BIN1: variants seen among roughly 807,000 people sequenced by gnomAD.
BIN1 encodes the protein bridging integrator 1.
Under a neutral mutation model 82.0 loss-of-function variants are expected in BIN1, and 53 were observed. That is an observed-to-expected ratio of 0.65 (90% CI 0.52 to 0.81). BIN1 has a LOEUF of 0.81. Among genes scored for constraint, BIN1 ranks in the 40% least tolerant of loss-of-function variants. The probability of loss-of-function intolerance (pLI) is 0.00; values close to 1 mark genes in which losing one functional copy is unlikely to be tolerated. For missense variants in BIN1, 642 were observed against 784.4 expected, an observed-to-expected ratio of 0.82 and a Z score of 2.17; for synonymous variants, 302 against 328.0, an observed-to-expected ratio of 0.92 and a Z score of 0.86.
At chr2:127,099,728 G>A (rs1231135165) in intron 1 of BIN1, among the ~76,000 whole-genome samples, 2 of 150,770 alleles carry the variant, frequency 1.3e-5, no homozygotes, top group Non-Finnish European at 2.9e-5. Context: ...TGGCCAGGAT[G>A]GTCTCGATCT....
intron 17 of BIN1, 71 bp from the exon 18 acceptor site, chr2:127,050,593 C>G (rs759738849): frequency 3.9e-6 from 6 of 1,553,422 alleles, no homozygotes; most frequent in Admixed American, 1.7e-5. Flanking sequence ...ACGGGCCTTG[C>G]GTGTGGGAGG....
At chr2:127,074,699 TTTTG>T (rs60320134) in intron 2 of BIN1, among the ~76,000 whole-genome samples, 2 of 151,718 alleles carry the variant, frequency 1.3e-5, no homozygotes, top group African/African-American at 2.4e-5. Context: ...TCAGCCTGTT[TTTTG>T]TTTGTTTGTT....
At chr2:127,053,524 T>C in intron 13 of BIN1, 79 bp from the exon 14 acceptor site, 1 of 1,562,672 alleles carries the variant, frequency 6.4e-7, no homozygotes, top group Non-Finnish European at 8.7e-7. Context: ...CCAGGGACCC[T>C]ACCCCCGCTC....
At position 127,068,860 on chromosome 2, in the gene BIN1, T is replaced by A; in HGVS notation, c.519+64A>T. ...CAGGAGGAAGCCTCCACCCTCGGGG[T>A]CCTAGACACCCGCCCTCTCTCAGCC... On this transcript the variant is annotated intron_variant, in intron 6 of 18. Coordinates refer to ENST00000316724, the MANE Select transcript of BIN1 (RefSeq NM_139343.3). The surrounding 1 kb of genome is among the most constrained non-coding windows in gnomAD (Gnocchi z 4.9). 1.4e-6 allele frequency: 2 copies of A among 1,475,106 alleles called. No homozygotes were observed. Among genetic ancestry groups the A allele is most frequent in the Non-Finnish European group, 1.9e-6 (2 of 1,056,390 alleles). 91.4% of individuals were successfully genotyped at this position (1,475,106 alleles called of 1,614,324 possible).
At chr2:127,054,137 C>A (rs1683336530) in intron 12 of BIN1, 125 bp from the exon 13 acceptor site, 5 of 692,184 alleles carry the variant, frequency 7.2e-6, no homozygotes, top group Non-Finnish European at 1.2e-5. Context: ...ACCACGCATG[C>A]AGAGCAAGCG....
chr2:127,072,208 A>G (rs1685977608), intron 2 of BIN1, among the ~76,000 whole-genome samples: 2 of 152,244 alleles, frequency 1.3e-5, no homozygotes, highest in Non-Finnish European at 2.9e-5. Context: ...GGTGAAGGCC[A>G]GCAGGGACCC....
chr2:127,088,328 G>C (rs1307490842), intron 1 of BIN1, among the ~76,000 whole-genome samples: 1 of 152,212 alleles, frequency 6.6e-6, no homozygotes, highest in Non-Finnish European at 1.5e-5. Context: ...ACGTGCCCTG[G>C]TGGCAGTGTG....
chr2:127,051,012 G>C, intron 16 of BIN1, 100 bp from the exon 17 acceptor site: 2 of 1,498,088 alleles, frequency 1.3e-6, no homozygotes, highest in Non-Finnish European at 1.9e-6. Flanking sequence ...AGGTGTCTGC[G>C]CCTGGTGCCA....
At chr2:127,079,279 G>T (rs1687002077) in intron 1 of BIN1, among the ~76,000 whole-genome samples, 1 of 152,206 alleles carries the variant, frequency 6.6e-6, no homozygotes, top group South Asian at 2.1e-4. Flanking sequence ...TACTCTCTGA[G>T]CCTCAATCTA....
At position 127,070,085 on chromosome 2, in the gene BIN1, G is replaced by T. The variant is rs529323298; in HGVS notation, c.321C>A (p.Asn107Lys). The stretch of plus-strand genomic sequence containing the variant: ...GGTGGTAATCCATCCACAGCAGGTC[G>T]TTGTTCTGAGACAGGCAAGAGCACG... Reference protein sequence around the residue: ...RDEANKIAENNDLLWMDYHQK... With the variant: ...RDEANKIAENKDLLWMDYHQK... The change falls in exon 5 of 19, where the codon AAC (asparagine) becomes AAA (lysine). Residue 107 changes from asparagine (N) to lysine (K), a missense_variant. By Grantham distance (94) the Asn-to-Lys change is moderately conservative. Coordinates refer to ENST00000316724, the MANE Select transcript of BIN1 (RefSeq NM_139343.3). 1.2e-6 allele frequency: 2 copies of T among 1,613,840 alleles called. No homozygotes were observed. Among genetic ancestry groups the T allele is most frequent in the Admixed American group, 1.7e-5 (1 of 60,014 alleles).
chr2:127,073,073 G>A (rs1186278313), intron 2 of BIN1, among the ~76,000 whole-genome samples: 1 of 152,184 alleles, frequency 6.6e-6, no homozygotes, highest in African/African-American at 2.4e-5. Flanking sequence ...GTGCTCCCCC[G>A]GGCTTCAGGC....
chr2:127,084,193 C>T (rs10200967), intron 1 of BIN1, among the ~76,000 whole-genome samples: 113,321 of 152,066 alleles, frequency 0.75, 42,496 homozygotes, highest in African/African-American at 0.79. Flanking sequence ...TAACAAGTCC[C>T]CCTGGCGCAC....
chr2:127,068,870 C>A lies in BIN1; in HGVS notation c.519+54G>T, dbSNP rs1573637116. ...CCTCCACCCTCGGGGTCCTAGACAC[C>A]CGCCCTCTCTCAGCCCCCTGCAGAC... On this transcript the variant is annotated intron_variant, in intron 6 of 18. Transcript: ENST00000316724. The surrounding 1 kb of genome is among the most constrained non-coding windows in gnomAD (Gnocchi z 4.9). 6 of 1,536,836 alleles carry A rather than the reference C, an allele frequency of 3.9e-6. No individual in the cohort carries two copies. In the East Asian group the frequency reaches 1.3e-4, roughly 35 times the overall value.
chr2:127,050,306 TG>T, intron 18 of BIN1, 114 bp downstream of exon 18: 2 of 1,099,364 alleles, frequency 1.8e-6, no homozygotes, highest in Non-Finnish European at 2.7e-6. Flanking sequence ...GCGGGAGCCC[TG>T]GTGCTCGCGG....
chr2:127,060,685 G>T (rs1286142933), intron 10 of BIN1: 7 of 1,611,866 alleles, frequency 4.3e-6, no homozygotes, highest in East Asian at 2.2e-5. Flanking sequence ...CTGGAGAAAG[G>T]CCAGGTGCAG....
Position 127,068,216 on chromosome 2 carries a change from G to T in BIN1, c.559C>A (p.Gln187Lys). 1 of 1,613,778 alleles carries T rather than the reference G, an allele frequency of 6.2e-7. No individual in the cohort carries two copies. Among genetic ancestry groups the T allele is most frequent in the East Asian group, 2.2e-5 (1 of 44,848 alleles). The change falls in exon 7 of 19, where the codon CAA (glutamine) becomes AAA (lysine). Residue 187 changes from glutamine (Q) to lysine (K), a missense_variant. Gln to Lys is a moderately conservative substitution (Grantham distance 53). Coordinates refer to ENST00000316724, the MANE Select transcript of BIN1 (RefSeq NM_139343.3). This position sits in a 1 kb window ranked among gnomAD's most constrained non-coding sequence, Gnocchi z 4.9. ...ACGAGATGAGCCTGCAGTTTGCCTT[G>T]GCACCACTGGGGGGCGGCTTTCTCA... Reference protein sequence around the residue: ...LLEKAAPQWCQGKLQAHLVAQ... With the variant: ...LLEKAAPQWCKGKLQAHLVAQ...
Position 127,093,274 on chromosome 2 carries a change from C to T in BIN1, c.84+13586G>A, listed in dbSNP as rs559845096. 6.6e-6 allele frequency among the ~76,000 whole-genome samples: 1 copy of T among 152,370 alleles called. No individual in the cohort carries two copies. The highest frequency in any genetic ancestry group is 2.1e-4 in the South Asian group (1 of 4,834). On this transcript the variant is annotated intron_variant, in intron 1 of 18. Coordinates refer to ENST00000316724, the MANE Select transcript of BIN1 (RefSeq NM_139343.3). The surrounding 1 kb of genome is among the most constrained non-coding windows in gnomAD (Gnocchi z 5.7). ...GTGAAAGGCCTCAGAGGTAAGCTCT[C>T]TGTGACCTTCTCCTGCCCTTCTGTC...
At chr2:127,086,186 T>C (rs1347528145) in intron 1 of BIN1, among the ~76,000 whole-genome samples, 12 of 152,162 alleles carry the variant, frequency 7.9e-5, no homozygotes, top group Admixed American at 1.3e-4. Context: ...GGGCGGTCAC[T>C]CAGCTAATGA....
rs910735352 is a variant in BIN1, at chr2:127,067,900, G to T, written c.612+263C>A. Among the ~76,000 whole-genome samples the T allele has an allele frequency of 1.1e-4, 16 of 152,202 alleles. No homozygotes were observed. Among genetic ancestry groups the T allele is most frequent in the African/African-American group, 3.6e-4 (15 of 41,448 alleles). On this transcript the variant is annotated intron_variant, in intron 7 of 18. Coordinates refer to ENST00000316724, the MANE Select transcript of BIN1 (RefSeq NM_139343.3). This position sits in a 1 kb window ranked among gnomAD's most constrained non-coding sequence, Gnocchi z 4.7. ...CCTGGACCACTAGGATTTCAGAGGAGTCTCCAGGAATGACCACAGATGCAG... is the reference window on the plus strand; with the variant it reads ...CCTGGACCACTAGGATTTCAGAGGATTCTCCAGGAATGACCACAGATGCAG...
Sources: allele counts gnomAD v4.1 joint callset (sites outside exome capture counted in the v4.1 genomes callset), GRCh38; gene constraint gnomAD v4.1.1; non-coding constraint Gnocchi (gnomAD v3.1); transcripts MANE v1.5; gene names NCBI Gene and HGNC (gene_info 2026-07-23, HGNC 2026-07-21).